Variants in EYS observed in about 807,000 individuals in gnomAD.
EYS encodes EGF-like photoreceptor maintenance factor.
A neutral mutation model predicts 282.1 loss-of-function variants in EYS; 250 were observed. The ratio of observed to expected loss-of-function variants is 0.89; its 90% CI spans 0.80 to 0.98. EYS has a LOEUF of 0.98. Among genes scored for constraint, EYS ranks in the 50% least tolerant of loss-of-function variants. The pLI, the probability that EYS is intolerant of heterozygous loss-of-function variation, is 0.00. For synonymous variants in EYS, 1,355 were observed against 1,282.9 expected (o/e 1.06, Z -1.20); for missense variants, 4,016 against 3,709.0 (o/e 1.08, Z -2.15).
intron 14 of EYS, among the ~76,000 whole-genome samples, chr6:64,996,403 AG>A (rs1771264587): frequency 6.6e-6 from 1 of 152,204 alleles, no homozygotes. Context: ...AAGGTATAGG[AG>A]AGGTCACGCA....
intron 12 of EYS, among the ~76,000 whole-genome samples, chr6:65,210,408 C>T (rs1766144541): frequency 6.6e-6 from 1 of 151,962 alleles, no homozygotes; most frequent in Non-Finnish European, 1.5e-5. Flanking sequence ...GCAGAATTAT[C>T]TTCCCACTTA....
At chr6:65,177,020 C>A (rs572451012) in intron 12 of EYS, among the ~76,000 whole-genome samples, 1 of 151,476 alleles carries the variant, frequency 6.6e-6, no homozygotes, top group Non-Finnish European at 1.5e-5. Context: ...AAGTGTTTTC[C>A]AAATCATTAC....
chr6:65,489,687 G>A (rs1765957388), intron 5 of EYS: 2 of 152,074 alleles, frequency 1.3e-5, no homozygotes, highest in African/African-American at 4.8e-5. Flanking sequence ...TATGTTTACT[G>A]CAGCACAATT....
intron 12 of EYS, among the ~76,000 whole-genome samples, chr6:65,063,018 A>C (rs962230835): frequency 6.6e-6 from 1 of 152,028 alleles, no homozygotes; most frequent in Admixed American, 6.6e-5. Flanking sequence ...TTCACAGCGC[A>C]AAGTTGGGCC....
intron 2 of EYS, among the ~76,000 whole-genome samples, chr6:65,623,683 TATGAATC>T (rs1290192092): frequency 1.3e-5 from 2 of 152,216 alleles, no homozygotes; most frequent in African/African-American, 4.8e-5. Context: ...AGTATGTACA[TATGAATC>T]ATTGTTAAAT....
chr6:65,535,246 C>T (rs776600970), intron 2 of EYS, among the ~76,000 whole-genome samples: 5 of 152,108 alleles, frequency 3.3e-5, no homozygotes. Flanking sequence ...CCAGAAAGAG[C>T]TTGATATGGT....
At chr6:64,812,704 C>G (rs1298503777) in intron 22 of EYS, among the ~76,000 whole-genome samples, 1 of 151,918 alleles carries the variant, frequency 6.6e-6, no homozygotes, top group Non-Finnish European at 1.5e-5. Context: ...TTTAACTTAA[C>G]ATCATCCTAG....
chr6:65,067,726 A>G (rs989064249), intron 12 of EYS, among the ~76,000 whole-genome samples: 8 of 152,246 alleles, frequency 5.3e-5, no homozygotes, highest in African/African-American at 1.9e-4. Context: ...TTGTCCACTC[A>G]TGGACAGGAT....
rs562783711 is a variant in EYS at position 65,479,113 on chromosome 6, G to A, written c.862+11481C>T. Among the ~76,000 whole-genome samples, 7 of 147,790 alleles carry A rather than the reference G, an allele frequency of 4.7e-5. No individual in the cohort carries two copies. The South Asian group carries it at 8.7e-4, about 18-fold the overall frequency. ...CCATAAACTCAGAAATTTATCCAAC[G>A]AAATTATCTAATCTGTAGAATAGTG... On this transcript the variant is annotated intron_variant, in intron 5 of 42. Coordinates refer to ENST00000503581, the MANE Select transcript of EYS (RefSeq NM_001142800.2).
intron 1 of EYS, among the ~76,000 whole-genome samples, chr6:65,649,628 AG>A (rs1582562520): frequency 6.6e-6 from 1 of 152,346 alleles, no homozygotes; most frequent in East Asian, 1.9e-4. Context: ...ATTTCTTTAA[AG>A]TAATACTCCA....
intron 40 of EYS, among the ~76,000 whole-genome samples, chr6:63,769,636 T>C (rs991023388): frequency 6.6e-6 from 1 of 152,104 alleles, no homozygotes; most frequent in Admixed American, 6.6e-5. Flanking sequence ...AATCAAGAGA[T>C]GAATATTAGA....
At chr6:64,018,121 CACAT>C (rs1401493028) in intron 33 of EYS, among the ~76,000 whole-genome samples, 1 of 152,070 alleles carries the variant, frequency 6.6e-6, no homozygotes, top group Non-Finnish European at 1.5e-5. Flanking sequence ...TACACACACA[CACAT>C]ACACATATAT....
chr6:64,741,971 T>C (rs1307008921), intron 22 of EYS, among the ~76,000 whole-genome samples: 1 of 152,198 alleles, frequency 6.6e-6, no homozygotes, highest in Non-Finnish European at 1.5e-5. Context: ...CTTTTAATTT[T>C]CTTCAAATAT....
intron 30 of EYS, among the ~76,000 whole-genome samples, chr6:64,253,221 TA>T (rs1463387710): frequency 6.6e-6 from 1 of 152,152 alleles, no homozygotes; most frequent in Non-Finnish European, 1.5e-5. Flanking sequence ...AACATTTTAA[TA>T]AAATATTCTG....
chr6:64,788,059 T>C (rs140418563), intron 22 of EYS, among the ~76,000 whole-genome samples: 19 of 152,228 alleles, frequency 1.2e-4, no homozygotes, highest in African/African-American at 4.1e-4. Flanking sequence ...CCCTCTTCAA[T>C]GTTTCTGGGG....
At chr6:65,486,474 T>A (rs1765787942) in intron 5 of EYS, among the ~76,000 whole-genome samples, 4 of 152,162 alleles carry the variant, frequency 2.6e-5, no homozygotes, top group South Asian at 2.1e-4. Flanking sequence ...GCTAAAAAAA[T>A]TTAAGTACCA....
At chr6:63,870,600 G>T (rs983541169) in intron 35 of EYS, among the ~76,000 whole-genome samples, 1 of 151,986 alleles carries the variant, frequency 6.6e-6, no homozygotes, top group Non-Finnish European at 1.5e-5. Flanking sequence ...CCAATTTTGA[G>T]TTGGAAAAAA....
chr6:65,670,609 G>T (rs1768362101), intron 1 of EYS, among the ~76,000 whole-genome samples: 1 of 151,924 alleles, frequency 6.6e-6, no homozygotes, highest in Non-Finnish European at 1.5e-5. Flanking sequence ...CAGATACTGA[G>T]AAATTTGAAC....
intron 1 of EYS, among the ~76,000 whole-genome samples, chr6:65,699,375 T>G (rs1769571783): frequency 6.6e-6 from 1 of 152,042 alleles, no homozygotes; most frequent in Admixed American, 6.5e-5. Context: ...ACTTAATAAA[T>G]ATTTGTCAAA....
Sources: allele counts gnomAD v4.1 joint callset (sites outside exome capture counted in the v4.1 genomes callset), GRCh38; gene constraint gnomAD v4.1.1; transcripts MANE v1.5; gene names NCBI Gene and HGNC (gene_info 2026-07-23, HGNC 2026-07-21).